The following DGUOK variants were observed in gnomAD, a reference collection of about 807,000 sequenced individuals.
The protein encoded by DGUOK is deoxyguanosine kinase, also known as deoxyguanosine kinase, mitochondrial.
A neutral mutation model predicts 36.6 loss-of-function variants in DGUOK; 30 were observed. The observed-to-expected ratio is 0.82, with a 90% CI of 0.61 to 1.11. DGUOK has a LOEUF of 1.11. Ranked by LOEUF, DGUOK falls within the 50% of genes most tolerant of loss-of-function variation. The pLI is 0.00. For missense variants in DGUOK, 361 were observed against 336.4 expected, an observed-to-expected ratio of 1.07 and a Z score of -0.57; for synonymous variants, 145 against 126.3, an observed-to-expected ratio of 1.15 and a Z score of -0.99.
rs187441130 is a variant in DGUOK at position 73,952,386 on chromosome 2, G to A, written c.591+1654G>A. Reference sequence around the variant, plus strand: ...AGATTAGTGTCAGCGATTGTGGGGAGAGGAGTCCCCTCTCAAAGAGGACAG... The same window carrying A: ...AGATTAGTGTCAGCGATTGTGGGGAAAGGAGTCCCCTCTCAAAGAGGACAG... On this transcript the variant is annotated intron_variant, in intron 4 of 6. Coordinates refer to ENST00000264093, the MANE Select transcript of DGUOK (RefSeq NM_080916.3). 2.6e-5 allele frequency among the ~76,000 whole-genome samples: 4 copies of A among 152,336 alleles called. No individual in the cohort carries two copies. In the East Asian group the frequency reaches 7.7e-4, roughly 29 times the overall value.
intron 3 of DGUOK, among the ~76,000 whole-genome samples, chr2:73,947,344 A>G (rs1682409753): frequency 6.6e-6 from 1 of 152,210 alleles, no homozygotes. Context: ...AAAATGATAT[A>G]AGAGATATTT....
At chr2:73,935,492 A>G (rs959973928) in intron 1 of DGUOK, among the ~76,000 whole-genome samples, 9 of 152,204 alleles carry the variant, frequency 5.9e-5, no homozygotes, top group African/African-American at 1.7e-4. Flanking sequence ...AAAAAAATCT[A>G]TGATGATCAG....
At chr2:73,950,369 T>C (rs1682618905) in intron 3 of DGUOK, among the ~76,000 whole-genome samples, 1 of 152,212 alleles carries the variant, frequency 6.6e-6, no homozygotes, top group African/African-American at 2.4e-5. Context: ...CTCCAAAGTC[T>C]AGATCCTATT....
At chr2:73,950,536 C>A (rs1244142737) in intron 3 of DGUOK, 49 bp from the exon 4 acceptor site, 3 of 1,602,312 alleles carry the variant, frequency 1.9e-6, no homozygotes, top group Non-Finnish European at 2.6e-6. Flanking sequence ...GCCTTTCATT[C>A]CATTTCCCAT....
In DGUOK at chr2:73,945,354, A is replaced by G. The variant is rs974967270; in HGVS notation, c.256-1365A>G. Among the ~76,000 whole-genome samples, 2 of 152,094 alleles carry G rather than the reference A, an allele frequency of 1.3e-5. 1 individual carries two copies. Among genetic ancestry groups the G allele is most frequent in the African/African-American group, 4.8e-5 (2 of 41,410 alleles). ...TCACCCTCTTCCTTTTTGCACTGTG[A>G]GCTCTTTGAGTTCAGGAACTGTCTT... is the stretch of plus-strand genomic sequence containing the variant. On this transcript the variant is annotated intron_variant, in intron 2 of 6. Coordinates refer to ENST00000264093, the MANE Select transcript of DGUOK (RefSeq NM_080916.3).
At chr2:73,939,989 A>G (rs993715066) in intron 2 of DGUOK, among the ~76,000 whole-genome samples, 6 of 146,038 alleles carry the variant, frequency 4.1e-5, no homozygotes, top group Middle Eastern at 3.2e-3. Flanking sequence ...GTAACCTCCA[A>G]CTCCTGGGTT....
At chr2:73,957,566 C>T (rs558568096) in intron 5 of DGUOK, among the ~76,000 whole-genome samples, 8 of 152,118 alleles carry the variant, frequency 5.3e-5, no homozygotes, top group Admixed American at 3.3e-4. Flanking sequence ...ACCAGCTACT[C>T]GGGAGGCTGA....
chr2:73,953,884 A>G (rs896730807), intron 4 of DGUOK, among the ~76,000 whole-genome samples: 6 of 151,584 alleles, frequency 4.0e-5, no homozygotes, highest in African/African-American at 1.5e-4. Flanking sequence ...ACACCCGGCT[A>G]ATTTTTTTTT....
chr2:73,927,312 T>C (rs1047662565), intron 1 of DGUOK, among the ~76,000 whole-genome samples: 1 of 152,218 alleles, frequency 6.6e-6, no homozygotes, highest in Non-Finnish European at 1.5e-5. Flanking sequence ...GGACAAGAAT[T>C]GTATTAGCTG....
intron 1 of DGUOK, among the ~76,000 whole-genome samples, chr2:73,932,356 A>G (rs1681113840): frequency 6.6e-6 from 1 of 152,154 alleles, no homozygotes; most frequent in Non-Finnish European, 1.5e-5. Flanking sequence ...CTGCTGCAGC[A>G]CTTGAGTTCT....
intron 1 of DGUOK, among the ~76,000 whole-genome samples, chr2:73,938,521 T>C (rs1175672012): frequency 1.3e-5 from 2 of 152,220 alleles, no homozygotes; most frequent in Non-Finnish European, 2.9e-5. Context: ...TCATTTTTAT[T>C]TTTTGTCTTG....
intron 1 of DGUOK, 41 bp downstream of exon 1, chr2:73,927,093 A>G: frequency 1.2e-6 from 2 of 1,602,524 alleles, no homozygotes; most frequent in Non-Finnish European, 1.7e-6. Context: ...GGCCTCCGCC[A>G]CGCAGGCGAC....
intron 3 of DGUOK, chr2:73,947,795 G>A (rs889717576): frequency 1.3e-5 from 2 of 152,318 alleles, no homozygotes; most frequent in African/African-American, 2.4e-5. Flanking sequence ...CAAGCAAAAC[G>A]ATCTTTCTTA....
chr2:73,950,579 A>C lies in DGUOK; in HGVS notation c.444-6A>C. ...CCCTCCCCATTCCCATCCCACTTCC[A>C]ACCAGGTATATCTTTGCAAAGAATC... On this transcript the variant is annotated splice_polypyrimidine_tract_variant and splice_region_variant and intron_variant, in intron 3 of 6. Transcript: ENST00000264093. 6.2e-7 allele frequency: 1 copy of C among 1,614,000 alleles called. No individual in the cohort carries two copies. Among genetic ancestry groups the C allele is most frequent in the Non-Finnish European group, 8.5e-7 (1 of 1,179,976 alleles).
chr2:73,949,672 C>T lies in DGUOK; in HGVS notation c.444-913C>T, dbSNP rs543367682. On this transcript the variant is annotated intron_variant, in intron 3 of 6. Coordinates refer to ENST00000264093, the MANE Select transcript of DGUOK (RefSeq NM_080916.3). The stretch of plus-strand genomic sequence containing the variant: ...CTGTACTTTCCTGAGCCATCATACA[C>T]AAGGGTTCTGAATTTTATTTTCTCC... Among the ~76,000 whole-genome samples, 7 of 152,308 alleles carry T rather than the reference C, an allele frequency of 4.6e-5. No homozygotes were observed. In the South Asian group the frequency reaches 1.2e-3, roughly 27 times the overall value.
chr2:73,949,082 G>C (rs994933851), intron 3 of DGUOK, among the ~76,000 whole-genome samples: 1 of 152,154 alleles, frequency 6.6e-6, no homozygotes, highest in African/African-American at 2.4e-5. Flanking sequence ...CTCCTGAGTA[G>C]CTGGGATTAC....
At chr2:73,949,436 T>C (rs1682555142) in intron 3 of DGUOK, among the ~76,000 whole-genome samples, 1 of 152,226 alleles carries the variant, frequency 6.6e-6, no homozygotes, top group Admixed American at 6.5e-5. Context: ...AAAGCAGTTA[T>C]AATAATAACT....
chr2:73,930,782 CTTTTT>C (rs1020072202), intron 1 of DGUOK, among the ~76,000 whole-genome samples: 4 of 95,476 alleles, frequency 4.2e-5, no homozygotes, highest in African/African-American at 7.5e-5. Flanking sequence ...ACATAATTTT[CTTTTT>C]TTTTTTCTTT....
chr2:73,958,106 T>A, intron 5 of DGUOK, 40 bp from the exon 6 acceptor site: 10 of 1,531,938 alleles, frequency 6.5e-6, no homozygotes, highest in Non-Finnish European at 8.1e-6. Flanking sequence ...CAAGTTACAT[T>A]TCTTTTTTTC....
Sources: allele counts gnomAD v4.1 joint callset (sites outside exome capture counted in the v4.1 genomes callset), GRCh38; gene constraint gnomAD v4.1.1; transcripts MANE v1.5; gene names NCBI Gene and HGNC (gene_info 2026-07-23, HGNC 2026-07-21).